LRRTM4: variants seen among roughly 807,000 people sequenced by gnomAD.
LRRTM4 encodes the protein leucine-rich repeat transmembrane neuronal protein 4.
A neutral mutation model predicts 47.6 loss-of-function variants in LRRTM4; 25 were observed. That is an observed-to-expected ratio of 0.53 (90% confidence interval 0.38 to 0.73). The LOEUF is 0.73. LRRTM4 is among the 30% of genes least tolerant of loss of function. The pLI, the probability that LRRTM4 is intolerant of heterozygous loss-of-function variation, is 0.00. For missense variants in LRRTM4, 638 were observed against 713.4 expected (o/e 0.89, Z 1.20); for synonymous variants, 311 against 269.5 (o/e 1.15, Z -1.51).
intron 3 of LRRTM4, among the ~76,000 whole-genome samples, chr2:77,284,361 A>T (rs1333637359): frequency 6.6e-6 from 1 of 152,122 alleles, no homozygotes; most frequent in Non-Finnish European, 1.5e-5. Flanking sequence ...TAGAAGCCCA[A>T]ATTTAAACTG....
intron 3 of LRRTM4, among the ~76,000 whole-genome samples, chr2:76,923,327 A>C (rs1674491277): frequency 1.3e-5 from 2 of 152,048 alleles, no homozygotes; most frequent in African/African-American, 4.8e-5. Context: ...TCCAGTTGTT[A>C]AATTTGTAGA....
chr2:76,770,763 A>AG (rs1558641119), intron 3 of LRRTM4, among the ~76,000 whole-genome samples: 1 of 152,198 alleles, frequency 6.6e-6, no homozygotes, highest in Non-Finnish European at 1.5e-5. Context: ...TCTACCCCCC[A>AG]GTAGTACAAT....
intron 3 of LRRTM4, among the ~76,000 whole-genome samples, chr2:77,426,531 T>C (rs1288011946): frequency 6.6e-6 from 1 of 152,148 alleles, no homozygotes; most frequent in African/African-American, 2.4e-5. Flanking sequence ...TCTTGAATTG[T>C]AGTTCCCATA....
At chr2:76,921,511 T>G (rs1431363945) in intron 3 of LRRTM4, among the ~76,000 whole-genome samples, 1 of 152,108 alleles carries the variant, frequency 6.6e-6, no homozygotes, top group African/African-American at 2.4e-5. Flanking sequence ...CACTCAAGAT[T>G]TGAGGAACTA....
chr2:77,252,890 C>G (rs189996399), intron 3 of LRRTM4, among the ~76,000 whole-genome samples: 260 of 152,258 alleles, frequency 1.7e-3, no homozygotes, highest in African/African-American at 5.9e-3. Context: ...TCTCATGCCT[C>G]TCACCTAGAC....
rs548224542 is a variant in LRRTM4, at chr2:77,386,281, T to C, written c.1551+132037A>G. ...AATTTATACATCCAGGTTGATCTTA[T>C]GCTAGTACATTTACATAAGGAACAA... On this transcript the variant is annotated intron_variant, in intron 3 of 3. Transcript: ENST00000409884. Among the ~76,000 whole-genome samples the C allele has an allele frequency of 2.6e-5, 4 of 152,294 alleles. No homozygotes were observed. The South Asian group carries it at 8.3e-4, about 32-fold the overall frequency.
intron 3 of LRRTM4, among the ~76,000 whole-genome samples, chr2:77,442,788 C>T (rs1675896761): frequency 6.6e-6 from 1 of 152,136 alleles, no homozygotes; most frequent in Non-Finnish European, 1.5e-5. Flanking sequence ...AAGACCAACA[C>T]TGTATTTTGA....
chr2:77,322,807 G>A (rs1055580502), intron 3 of LRRTM4, among the ~76,000 whole-genome samples: 2 of 147,786 alleles, frequency 1.4e-5, no homozygotes, highest in African/African-American at 2.5e-5. Context: ...TTGAGGGTTG[G>A]GATGTTGGAA....
At chr2:77,433,849 A>T (rs1265453866) in intron 3 of LRRTM4, among the ~76,000 whole-genome samples, 1 of 152,228 alleles carries the variant, frequency 6.6e-6, no homozygotes, top group Non-Finnish European at 1.5e-5. Flanking sequence ...CATGAGAAAC[A>T]TCAGAGAGAA....
chr2:77,319,245 G>T (rs1393924112), intron 3 of LRRTM4, among the ~76,000 whole-genome samples: 1 of 152,028 alleles, frequency 6.6e-6, no homozygotes, highest in Non-Finnish European at 1.5e-5. Flanking sequence ...AAATCAGCTG[G>T]GTGTGGTGGC....
intron 3 of LRRTM4, among the ~76,000 whole-genome samples, chr2:76,786,112 G>C (rs972859280): frequency 1.3e-5 from 2 of 152,110 alleles, no homozygotes; most frequent in African/African-American, 4.8e-5. Flanking sequence ...CTCAACTTCA[G>C]CTTCATCTGG....
At chr2:76,886,460 G>C (rs978167157) in intron 3 of LRRTM4, among the ~76,000 whole-genome samples, 2 of 151,956 alleles carry the variant, frequency 1.3e-5, no homozygotes, top group African/African-American at 2.4e-5. Flanking sequence ...ACATTTCCAT[G>C]ATTAGAACCT....
At chr2:77,278,968 G>T (rs545593404) in intron 3 of LRRTM4, among the ~76,000 whole-genome samples, 44 of 152,018 alleles carry the variant, frequency 2.9e-4, no homozygotes, top group African/African-American at 1.0e-3. Flanking sequence ...ATTATAATAG[G>T]CAATGATGAC....
intron 3 of LRRTM4, among the ~76,000 whole-genome samples, chr2:77,410,368 G>C (rs1195800425): frequency 1.3e-5 from 2 of 152,188 alleles, no homozygotes; most frequent in East Asian, 3.9e-4. Flanking sequence ...CCCTGAAATA[G>C]CTCCCACACT....
At chr2:77,131,507 G>A (rs1470588744) in intron 3 of LRRTM4, among the ~76,000 whole-genome samples, 6 of 152,140 alleles carry the variant, frequency 3.9e-5, no homozygotes, top group Admixed American at 1.3e-4. Context: ...GATCTTACCT[G>A]AACCAAAACT....
Position 77,408,732 on chromosome 2 carries a change from C to T in LRRTM4, c.1551+109586G>A, listed in dbSNP as rs145811585. On this transcript the variant is annotated intron_variant, in intron 3 of 3. Coordinates refer to ENST00000409884, the MANE Select transcript of LRRTM4 (RefSeq NM_001134745.3). ...CCCTTGTGCTCTGTATTATAATTGT[C>T]TGTTTACTTCTCTGTATCCCCATTA... 1.7e-4 allele frequency among the ~76,000 whole-genome samples: 26 copies of T among 152,230 alleles called. No homozygotes were observed. In the East Asian group the frequency reaches 4.8e-3, roughly 28 times the overall value.
intron 3 of LRRTM4, among the ~76,000 whole-genome samples, chr2:76,973,724 G>A (rs1398293465): frequency 6.6e-6 from 1 of 151,904 alleles, no homozygotes; most frequent in Non-Finnish European, 1.5e-5. Context: ...GGATGAATAG[G>A]CTTAATGTAT....
chr2:77,187,022 G>A (rs181798512), intron 3 of LRRTM4, among the ~76,000 whole-genome samples: 1 of 152,240 alleles, frequency 6.6e-6, no homozygotes, highest in African/African-American at 2.4e-5. Flanking sequence ...ATCCATTGCA[G>A]TACAAGTGCA....
At chr2:77,265,204 A>G (rs933093750) in intron 3 of LRRTM4, among the ~76,000 whole-genome samples, 1 of 152,094 alleles carries the variant, frequency 6.6e-6, no homozygotes, top group Admixed American at 6.6e-5. Context: ...TTGTATTTTA[A>G]CTACTTTATT....
Sources: allele counts gnomAD v4.1 joint callset (sites outside exome capture counted in the v4.1 genomes callset), GRCh38; gene constraint gnomAD v4.1.1; transcripts MANE v1.5; gene names NCBI Gene and HGNC (gene_info 2026-07-23, HGNC 2026-07-21).